The following CSMD1 variants were observed in gnomAD, a reference collection of about 807,000 sequenced individuals.
CSMD1 encodes the protein CUB and Sushi multiple domains 1.
Under a neutral mutation model 417.5 loss-of-function variants are expected in CSMD1, and 213 were observed. The observed-to-expected ratio is 0.51, with a 90% confidence interval of 0.46 to 0.57. The LOEUF (loss-of-function observed/expected upper bound fraction) is 0.57. Among genes scored for constraint, CSMD1 ranks in the 20% least tolerant of loss-of-function variants. CSMD1 has a pLI of 0.00. For missense variants in CSMD1, 6,923 were observed against 4,529.7 expected, an observed-to-expected ratio of 1.53 and a Z score of -15.17; for synonymous variants, 2,862 against 1,736.8, an observed-to-expected ratio of 1.65 and a Z score of -16.11.
chr8:3,858,778 T>A (rs1468527972), intron 5 of CSMD1, among the ~76,000 whole-genome samples: 2 of 152,164 alleles, frequency 1.3e-5, no homozygotes, highest in African/African-American at 4.8e-5. Context: ...TTATTTAGGA[T>A]TTAAAAGCAC....
chr8:4,671,102 G>A (rs946680053), intron 1 of CSMD1, among the ~76,000 whole-genome samples: 1 of 152,202 alleles, frequency 6.6e-6, no homozygotes, highest in Non-Finnish European at 1.5e-5. Flanking sequence ...TCTGTGGCTT[G>A]AAAAACTAGC....
intron 10 of CSMD1, among the ~76,000 whole-genome samples, chr8:3,506,325 C>A (rs749469623): frequency 7.9e-5 from 12 of 152,252 alleles, no homozygotes; most frequent in African/African-American, 2.9e-4. Flanking sequence ...TCTAGACATC[C>A]AAAGAGACAA....
intron 5 of CSMD1, among the ~76,000 whole-genome samples, chr8:3,858,767 C>T (rs749433839): frequency 2.6e-5 from 4 of 151,882 alleles, no homozygotes; most frequent in African/African-American, 4.8e-5. Flanking sequence ...TCCTGTATAA[C>T]TTATTTAGGA....
chr8:3,922,113 T>C (rs1809318567), intron 5 of CSMD1, among the ~76,000 whole-genome samples: 1 of 148,616 alleles, frequency 6.7e-6, no homozygotes, highest in Admixed American at 6.9e-5. Flanking sequence ...TTGACCCCTT[T>C]ATCATTATAT....
intron 7 of CSMD1, among the ~76,000 whole-genome samples, chr8:3,631,046 G>A (rs142084264): frequency 7.0e-4 from 106 of 152,196 alleles, no homozygotes; most frequent in African/African-American, 2.5e-3. Flanking sequence ...TTCTTTGCTC[G>A]TGCCGCTCCT....
rs201390394 is a variant in CSMD1, at chr8:4,962,220, T to C, written c.85+32112A>G. ...TTTAAAAAAAAAAGAAAAAAACAAATATTTGTTGGAGACAGAGACTCACTC... is the reference window on the plus strand; with the variant it reads ...TTTAAAAAAAAAAGAAAAAAACAAACATTTGTTGGAGACAGAGACTCACTC... On this transcript the variant is annotated intron_variant, in intron 1 of 69. Transcript: ENST00000635120. 3.4e-3 allele frequency among the ~76,000 whole-genome samples: 451 copies of C among 134,600 alleles called. 2 individuals carry two copies. Among genetic ancestry groups the C allele is most frequent in the African/African-American group, 0.014 (427 of 31,114 alleles). 88.3% of individuals were successfully genotyped at this position (134,600 alleles called of 152,430 possible).
chr8:4,369,384 G>C (rs903546189), intron 3 of CSMD1, among the ~76,000 whole-genome samples: 9 of 152,170 alleles, frequency 5.9e-5, no homozygotes, highest in African/African-American at 2.2e-4. Flanking sequence ...CTTAGACTGT[G>C]TGCCATGTGC....
intron 3 of CSMD1, among the ~76,000 whole-genome samples, chr8:4,202,605 C>T (rs574016686): frequency 5.9e-5 from 9 of 152,180 alleles, no homozygotes; most frequent in Non-Finnish European, 1.2e-4. Flanking sequence ...CCTGCAATCT[C>T]TTTGAGTATC....
At chr8:4,278,649 G>C (rs1388894622) in intron 3 of CSMD1, among the ~76,000 whole-genome samples, 2 of 152,128 alleles carry the variant, frequency 1.3e-5, no homozygotes, top group Non-Finnish European at 2.9e-5. Flanking sequence ...TCAACATAAA[G>C]TGTAGCTTTT....
At position 2,937,420 on chromosome 8, in the gene CSMD1, G is replaced by T. The variant is rs1307869067; in HGVS notation, c.*1165C>A. 1.5e-5 allele frequency: 2 copies of T among 130,550 alleles called. No individual in the cohort carries two copies. Among genetic ancestry groups the T allele is most frequent in the Non-Finnish European group, 3.2e-5 (2 of 63,426 alleles). The allele number at this position is 130,550 out of a possible 1,614,324, so 8.1% of individuals were successfully genotyped here. ...GTCTTTCAATGCAATATCAAAGATC[G>T]ATGGCACAGTAAAAGACAAAAAAAA... is the stretch of plus-strand genomic sequence containing the variant. On this transcript the variant is annotated 3_prime_UTR_variant, in exon 70 of 70. Transcript: ENST00000635120.
chr8:4,019,918 A>G (rs1266757005), intron 4 of CSMD1, among the ~76,000 whole-genome samples: 1 of 67,026 alleles, frequency 1.5e-5, no homozygotes, highest in Non-Finnish European at 3.7e-5. Context: ...ATTCATTAAA[A>G]AAAAAAAAAA....
chr8:4,445,965 A>G (rs1020534304), intron 2 of CSMD1, among the ~76,000 whole-genome samples: 1 of 152,100 alleles, frequency 6.6e-6, no homozygotes, highest in Admixed American at 6.5e-5. Context: ...GAGGTAGACG[A>G]AAGGATAGCA....
At chr8:3,940,855 A>C (rs756610794) in intron 5 of CSMD1, among the ~76,000 whole-genome samples, 1 of 147,838 alleles carries the variant, frequency 6.8e-6, no homozygotes, top group Admixed American at 7.0e-5. Context: ...ATTAAAAACT[A>C]ATCATACGCT....
intron 68 of CSMD1, among the ~76,000 whole-genome samples, chr8:2,946,529 A>T (rs1423506377): frequency 1.3e-5 from 2 of 152,158 alleles, no homozygotes; most frequent in Non-Finnish European, 2.9e-5. Flanking sequence ...ACTTGGCATG[A>T]CGTTTTCAAG....
intron 26 of CSMD1, among the ~76,000 whole-genome samples, chr8:3,247,330 C>T (rs1799945101): frequency 6.6e-6 from 1 of 152,188 alleles, no homozygotes; most frequent in Non-Finnish European, 1.5e-5. Flanking sequence ...CAGACTCCTC[C>T]TGCTCCTGGC....
At chr8:4,769,823 C>T (rs1364657337) in intron 1 of CSMD1, among the ~76,000 whole-genome samples, 1 of 152,096 alleles carries the variant, frequency 6.6e-6, no homozygotes, top group Non-Finnish European at 1.5e-5. Context: ...TTTTAAAAAG[C>T]TTATGTTGTT....
intron 55 of CSMD1, among the ~76,000 whole-genome samples, chr8:2,977,643 A>C (rs1203850238): frequency 6.6e-6 from 1 of 152,210 alleles, no homozygotes; most frequent in Admixed American, 6.5e-5. Flanking sequence ...TGAACACACA[A>C]CCAACAGAAT....
chr8:4,299,065 C>G (rs1056704955), intron 3 of CSMD1, among the ~76,000 whole-genome samples: 19 of 151,988 alleles, frequency 1.3e-4, no homozygotes, highest in African/African-American at 4.3e-4. Context: ...TCCTGTTAAT[C>G]CTATTTCTTA....
chr8:4,107,668 A>G (rs901968700), intron 3 of CSMD1, among the ~76,000 whole-genome samples: 9 of 152,132 alleles, frequency 5.9e-5, no homozygotes, highest in Non-Finnish European at 1.0e-4. Context: ...AGTACAATCC[A>G]TCATCTGTGT....
Sources: gnomAD v4.1 joint callset for allele counts (sites outside exome capture counted in the v4.1 genomes callset) on GRCh38, gnomAD v4.1.1 for gene constraint, MANE v1.5 for transcripts, NCBI Gene and HGNC (gene_info 2026-07-23, HGNC 2026-07-21) for gene names.